Variants in MRPS27 observed in about 807,000 individuals in gnomAD.
MRPS27 encodes small ribosomal subunit protein mS27.
A neutral mutation model predicts 48.9 loss-of-function variants in MRPS27; 43 were observed. The ratio of observed to expected loss-of-function variants is 0.88; its 90% CI spans 0.69 to 1.13. The LOEUF is 1.13. MRPS27 is among the 50% of genes most tolerant of loss of function. MRPS27 has a pLI of 0.00. For missense variants in MRPS27, 467 were observed against 476.3 expected, an observed-to-expected ratio of 0.98 and a Z score of 0.18; for synonymous variants, 188 against 171.9, an observed-to-expected ratio of 1.09 and a Z score of -0.73.
chr5:72,232,506 A>C lies in MRPS27; in HGVS notation c.528T>G (p.Pro176=). ...EVMMQEAFEV[P]STQLLSLYVL... is the part of the protein sequence containing the mutation. ...CATAGAGGGAGAGAAGTTGGGTGGA[A>C]GGCACTTCAAAGGCTTCTTGCATCA... The change falls in exon 7 of 11, where the codon CCT becomes CCG. Residue 176 remains proline (P), a synonymous_variant. Transcript: ENST00000261413. The C allele has an allele frequency of 1.2e-6, 2 of 1,612,872 alleles. No individual in the cohort carries two copies. Among genetic ancestry groups the C allele is most frequent in the Non-Finnish European group, 1.7e-6 (2 of 1,179,194 alleles).
rs1432991243 is a variant in MRPS27 at position 72,221,147 on chromosome 5, G to A, written c.1007C>T (p.Ala336Val). Reference sequence around the variant, plus strand: ...CAGAGCTTGAAGCTTAGAATGTAAGGCCTGTTGGAAACAAATGGGAAAAAT... The same window carrying A: ...CAGAGCTTGAAGCTTAGAATGTAAGACCTGTTGGAAACAAATGGGAAAAAT... ...KLPQYLERFK[A>V]LHSKLQALGK... Residue 336 changes from alanine to valine, a missense_variant and splice_region_variant, in exon 11 of 11, where the codon GCC becomes GTC. By Grantham distance (64) the Ala-to-Val change is moderately conservative. Transcript: ENST00000261413. 6.2e-7 allele frequency: 1 copy of A among 1,613,480 alleles called. No homozygotes were observed. Among genetic ancestry groups the A allele is most frequent in the South Asian group, 1.1e-5 (1 of 90,980 alleles).
intron 2 of MRPS27, among the ~76,000 whole-genome samples, chr5:72,307,501 G>T (rs567282739): frequency 7.2e-5 from 11 of 152,050 alleles, no homozygotes; most frequent in African/African-American, 9.7e-5. Flanking sequence ...AAATATTTAC[G>T]GATGAAATGA....
rs542635388 is a variant in MRPS27, at chr5:72,286,634, T to C, written c.281+8897A>G. On this transcript the variant is annotated intron_variant, in intron 4 of 10. Transcript: ENST00000261413. ...AGAAAGTATTTTGCTCAACCGTTTT[T>C]AAAATTAACATGGGATATAAAAATT... 2.0e-5 allele frequency among the ~76,000 whole-genome samples: 3 copies of C among 152,166 alleles called. No individual in the cohort carries two copies. In the South Asian group the frequency reaches 6.2e-4, roughly 32 times the overall value.
At chr5:72,247,721 T>C (rs1448639449) in intron 4 of MRPS27, among the ~76,000 whole-genome samples, 2 of 152,244 alleles carry the variant, frequency 1.3e-5, no homozygotes, top group Non-Finnish European at 2.9e-5. Flanking sequence ...GTGCAATTCA[T>C]CTTATATCTA....
intron 2 of MRPS27, among the ~76,000 whole-genome samples, chr5:72,306,401 TAA>T (rs926322626): frequency 6.6e-6 from 1 of 152,106 alleles, no homozygotes; most frequent in African/African-American, 2.4e-5. Context: ...AAAGACAAAA[TAA>T]AAAGTCCTGA....
In MRPS27 at chr5:72,286,152, CTAA is replaced by C. The variant is rs139053352; in HGVS notation, c.281+9376_281+9378del. Among the ~76,000 whole-genome samples, 140 of 152,070 alleles carry C rather than the reference CTAA, an allele frequency of 9.2e-4. 3 individuals carry two copies. In the East Asian group the frequency reaches 0.021, roughly 22 times the overall value. On this transcript the variant is annotated intron_variant, in intron 4 of 10. Transcript: ENST00000261413. Reference sequence around the variant, plus strand: ...TGTATTTCTTGAATTGATATTGTTCCTAATGTCTCTATATTAATAATGCATGTG... The same window carrying C: ...TGTATTTCTTGAATTGATATTGTTCCTGTCTCTATATTAATAATGCATGTG...
intron 4 of MRPS27, among the ~76,000 whole-genome samples, chr5:72,245,042 AG>A: frequency 6.6e-6 from 1 of 152,322 alleles, no homozygotes; most frequent in African/African-American, 2.4e-5. Flanking sequence ...AGAAGAAACA[AG>A]TATTTACAGT....
intron 4 of MRPS27, among the ~76,000 whole-genome samples, chr5:72,279,527 T>C (rs1341675803): frequency 1.3e-5 from 2 of 151,994 alleles, no homozygotes; most frequent in Non-Finnish European, 2.9e-5. Flanking sequence ...GAGGCGAAGA[T>C]GGGAGGATTG....
At chr5:72,245,315 T>C (rs1748483820) in intron 4 of MRPS27, among the ~76,000 whole-genome samples, 1 of 152,198 alleles carries the variant, frequency 6.6e-6, no homozygotes, top group African/African-American at 2.4e-5. Flanking sequence ...GTCCTGTTTA[T>C]AAAAGCATAT....
At chr5:72,266,517 G>C (rs550579258) in intron 4 of MRPS27, among the ~76,000 whole-genome samples, 2 of 152,316 alleles carry the variant, frequency 1.3e-5, no homozygotes, top group Admixed American at 1.3e-4. Context: ...GCTACAGGTA[G>C]AGAAATAACA....
intron 4 of MRPS27, among the ~76,000 whole-genome samples, chr5:72,279,038 C>A (rs929530744): frequency 1.3e-5 from 2 of 152,168 alleles, no homozygotes; most frequent in African/African-American, 2.4e-5. Flanking sequence ...GATGACCATG[C>A]CCATCCTCTT....
chr5:72,256,206 C>A (rs1748801765), intron 4 of MRPS27, among the ~76,000 whole-genome samples: 1 of 152,152 alleles, frequency 6.6e-6, no homozygotes, highest in South Asian at 2.1e-4. Flanking sequence ...ATGTGTATAT[C>A]CGATATATTC....
intron 2 of MRPS27, among the ~76,000 whole-genome samples, chr5:72,310,460 G>A (rs1278949736): frequency 6.6e-6 from 1 of 151,938 alleles, no homozygotes; most frequent in East Asian, 1.9e-4. Context: ...GCCAAGTCTG[G>A]GATATTTAGA....
At chr5:72,272,678 C>T (rs554699431) in intron 4 of MRPS27, among the ~76,000 whole-genome samples, 1 of 152,282 alleles carries the variant, frequency 6.6e-6, no homozygotes, top group South Asian at 2.1e-4. Context: ...GGCTTAGCTG[C>T]AAGTACGAGT....
intron 1 of MRPS27, among the ~76,000 whole-genome samples, chr5:72,318,510 G>A (rs1267658368): frequency 6.6e-6 from 1 of 152,170 alleles, no homozygotes; most frequent in Non-Finnish European, 1.5e-5. Flanking sequence ...AAAAAGCTGG[G>A]CCAGCTGGGC....
At chr5:72,265,281 T>C (rs1343595427) in intron 4 of MRPS27, among the ~76,000 whole-genome samples, 1 of 152,188 alleles carries the variant, frequency 6.6e-6, no homozygotes, top group Non-Finnish European at 1.5e-5. Flanking sequence ...CAATGTAACC[T>C]GAGTGATACA....
At chr5:72,235,344 G>A (rs980233588) in intron 5 of MRPS27, among the ~76,000 whole-genome samples, 1 of 152,100 alleles carries the variant, frequency 6.6e-6, no homozygotes, top group Admixed American at 6.6e-5. Flanking sequence ...TCAACTGAGA[G>A]CTTTAAAAAA....
chr5:72,289,962 A>G (rs1449167368), intron 4 of MRPS27, among the ~76,000 whole-genome samples: 2 of 152,234 alleles, frequency 1.3e-5, no homozygotes, highest in African/African-American at 2.4e-5. Flanking sequence ...GAAGATGAGG[A>G]CACTAAGTGG....
At chr5:72,319,325 C>A (rs888134120) in intron 1 of MRPS27, among the ~76,000 whole-genome samples, 1 of 152,112 alleles carries the variant, frequency 6.6e-6, no homozygotes, top group Non-Finnish European at 1.5e-5. Flanking sequence ...ATTATCTACA[C>A]GTGGAAAACT....
Sources: gnomAD v4.1 joint callset for allele counts (sites outside exome capture counted in the v4.1 genomes callset) on GRCh38, gnomAD v4.1.1 for gene constraint, MANE v1.5 for transcripts, NCBI Gene and HGNC (gene_info 2026-07-23, HGNC 2026-07-21) for gene names.